The following DERA variants were observed in gnomAD, a reference collection of about 807,000 sequenced individuals.
DERA encodes the protein deoxyribose-phosphate aldolase, also known as 2-deoxy-D-ribose 5-phosphate aldolase.
In DERA, 15 loss-of-function variants were observed where a neutral mutation model predicts 41.1. The ratio of observed to expected loss-of-function variants is 0.37; its 90% confidence interval spans 0.24 to 0.56. DERA has a LOEUF of 0.56. Among genes scored for constraint, DERA ranks in the 20% least tolerant of loss-of-function variants. The probability of loss-of-function intolerance (pLI) is 0.81; values close to 1 mark genes in which losing one functional copy is unlikely to be tolerated. For missense variants in DERA, 396 were observed against 403.4 expected (o/e 0.98, Z 0.16); for synonymous variants, 139 against 137.4 (o/e 1.01, Z -0.08).
chr12:15,919,723 A>G (rs939078723), intron 1 of DERA, among the ~76,000 whole-genome samples: 4 of 152,216 alleles, frequency 2.6e-5, no homozygotes, highest in Non-Finnish European at 5.9e-5. Context: ...TCTGGCTGCA[A>G]CTTCTGGCTC....
intron 6 of DERA, among the ~76,000 whole-genome samples, chr12:16,029,913 CTTTTTTTTTTTTTT>C (rs71438364): frequency 0.017 from 993 of 59,760 alleles, 36 homozygotes; most frequent in Middle Eastern, 0.1. Flanking sequence ...TAGCCTTGGT[CTTTTTTTTTTTTTT>C]TTTTTTTTTT....
At position 16,021,744 on chromosome 12, in the gene DERA, C is replaced by T. The variant is rs1186762027; in HGVS notation, c.638-10798C>T. Reference sequence around the variant, plus strand: ...TGGAGCTTTAAGACTTAATGACTGCCCTGCTGAGTTTGGGGCTTGTATGAG... The same window carrying T: ...TGGAGCTTTAAGACTTAATGACTGCTCTGCTGAGTTTGGGGCTTGTATGAG... On this transcript the variant is annotated intron_variant, in intron 6 of 8. Transcript: ENST00000428559. This position sits in a 1 kb window ranked among gnomAD's most constrained non-coding sequence, Gnocchi z 5.3. 2.0e-5 allele frequency among the ~76,000 whole-genome samples: 3 copies of T among 152,150 alleles called. No homozygotes were observed. The highest frequency in any genetic ancestry group is 4.4e-5 in the Non-Finnish European group (3 of 68,032).
intron 1 of DERA, among the ~76,000 whole-genome samples, chr12:15,923,117 G>A: frequency 6.8e-6 from 1 of 148,002 alleles, no homozygotes; most frequent in Non-Finnish European, 1.5e-5. Context: ...CCGCCTCCCG[G>A]GTTCACGCCA....
Position 15,995,855 on chromosome 12 carries a change from A to G in DERA, c.637+13419A>G, listed in dbSNP as rs1284674401. The stretch of plus-strand genomic sequence containing the variant: ...AATACTTGGAAGATTTTCCTGATAA[A>G]GGAAGATTTTTCTCTCTTAACTCAA... On this transcript the variant is annotated intron_variant, in intron 6 of 8. Coordinates refer to ENST00000428559, the MANE Select transcript of DERA (RefSeq NM_015954.4). This position sits in a 1 kb window ranked among gnomAD's most constrained non-coding sequence, Gnocchi z 5.1. Among the ~76,000 whole-genome samples the G allele has an allele frequency of 6.6e-6, 1 of 152,204 alleles. No individual in the cohort carries two copies. The highest frequency in any genetic ancestry group is 1.5e-5 in the Non-Finnish European group (1 of 68,034).
chr12:16,016,007 C>G (rs184037167), intron 6 of DERA, among the ~76,000 whole-genome samples: 1 of 152,058 alleles, frequency 6.6e-6, no homozygotes, highest in East Asian at 1.9e-4. Context: ...CCTCTTCAGG[C>G]GGTTTTAGTA....
At chr12:16,005,845 C>T (rs1026125917) in intron 6 of DERA, among the ~76,000 whole-genome samples, 30 of 152,146 alleles carry the variant, frequency 2.0e-4, no homozygotes, top group Non-Finnish European at 3.4e-4. Context: ...GAAGATTATG[C>T]TCTGTGGGAA....
At chr12:16,006,581 C>T (rs2136176452) in intron 6 of DERA, among the ~76,000 whole-genome samples, 1 of 152,346 alleles carries the variant, frequency 6.6e-6, no homozygotes, top group South Asian at 2.1e-4. Flanking sequence ...ACACGTCGTA[C>T]CCGACATGAA....
chr12:15,947,293 T>C (rs1948457656), intron 1 of DERA, among the ~76,000 whole-genome samples: 1 of 152,202 alleles, frequency 6.6e-6, no homozygotes, highest in South Asian at 2.1e-4. Context: ...ATCTGTCTAA[T>C]GTTGACAATG....
Position 15,993,599 on chromosome 12 carries a change from T to C in DERA, c.637+11163T>C, listed in dbSNP as rs1006489340. Among the ~76,000 whole-genome samples the C allele has an allele frequency of 3.3e-5, 5 of 152,066 alleles. No individual in the cohort carries two copies. Among genetic ancestry groups the C allele is most frequent in the Middle Eastern group, 3.2e-3 (1 of 314 alleles). ...CTGGGGAAAGCATAAGACCATAGTT[T>C]GTATTGGGTTAAGAGATAAAAGATT... On this transcript the variant is annotated intron_variant, in intron 6 of 8. Transcript: ENST00000428559. This position sits in a 1 kb window ranked among gnomAD's most constrained non-coding sequence, Gnocchi z 4.4.
At chr12:16,028,516 C>T (rs944483666) in intron 6 of DERA, among the ~76,000 whole-genome samples, 10 of 152,140 alleles carry the variant, frequency 6.6e-5, no homozygotes, top group African/African-American at 2.4e-4. Context: ...TATAACTTCC[C>T]ACTCCTTAAA....
rs1190991014 is a variant in DERA, at chr12:15,957,042, T to G, written c.129+9T>G. On this transcript the variant is annotated intron_variant, in intron 2 of 8. Transcript: ENST00000428559. This position sits in a 1 kb window ranked among gnomAD's most constrained non-coding sequence, Gnocchi z 4.8. ...TGAAAAAGGAGTGGCAGGTAAGGGT[T>G]CTTCTTGAGCATTCTGTGCCTGTAT... is the stretch of plus-strand genomic sequence containing the variant. 1 of 1,610,016 alleles carries G rather than the reference T, an allele frequency of 6.2e-7. No homozygotes were observed. Among genetic ancestry groups the G allele is most frequent in the Non-Finnish European group, 8.5e-7 (1 of 1,176,438 alleles).
In DERA at chr12:16,019,422, C is replaced by T. The variant is rs144947511; in HGVS notation, c.638-13120C>T. On this transcript the variant is annotated intron_variant, in intron 6 of 8. Transcript: ENST00000428559. This position sits in a 1 kb window ranked among gnomAD's most constrained non-coding sequence, Gnocchi z 4.4. ...ACTGATTTCATGTGATCAGACCTCA[C>T]ATTACCTAAAGAACAGAGCCCAATG... Among the ~76,000 whole-genome samples, 893 of 152,300 alleles carry T rather than the reference C, an allele frequency of 5.9e-3. 5 individuals are homozygous for T. Among genetic ancestry groups the T allele is most frequent in the Non-Finnish European group, 7.8e-3 (528 of 68,020 alleles).
rs1440889323 is a variant in DERA at position 15,940,033 on chromosome 12, TA to T, written c.32-16901del. Among the ~76,000 whole-genome samples, 15 of 152,208 alleles carry T rather than the reference TA, an allele frequency of 9.9e-5. No individual in the cohort carries two copies. Among genetic ancestry groups the T allele is most frequent in the Non-Finnish European group, 2.2e-4 (15 of 68,038 alleles). On this transcript the variant is annotated intron_variant, in intron 1 of 8. Coordinates refer to ENST00000428559, the MANE Select transcript of DERA (RefSeq NM_015954.4). The surrounding 1 kb of genome is among the most constrained non-coding windows in gnomAD (Gnocchi z 5.1). The stretch of plus-strand genomic sequence containing the variant: ...CTGTTCCATAGGTTTCCTAATTTAA[TA>T]AGAACATATTTTTACCATGATACTA...
chr12:15,977,873 G>C (rs184692984), intron 5 of DERA, among the ~76,000 whole-genome samples: 1 of 152,196 alleles, frequency 6.6e-6, no homozygotes, highest in Admixed American at 6.5e-5. Context: ...CTTTGAAAAC[G>C]TAGGGGATTT....
intron 1 of DERA, among the ~76,000 whole-genome samples, chr12:15,933,736 C>T (rs1318652368): frequency 2.6e-5 from 4 of 152,108 alleles, no homozygotes; most frequent in African/African-American, 9.7e-5. Flanking sequence ...TTTGAAATGT[C>T]TGTCTTCTCC....
rs1045068006 is a variant in DERA, at chr12:15,992,841, G to A, written c.637+10405G>A. Among the ~76,000 whole-genome samples, 1 of 152,156 alleles carries A rather than the reference G, an allele frequency of 6.6e-6. No homozygotes were observed. The highest frequency in any genetic ancestry group is 2.4e-5 in the African/African-American group (1 of 41,442). On this transcript the variant is annotated intron_variant, in intron 6 of 8. Coordinates refer to ENST00000428559, the MANE Select transcript of DERA (RefSeq NM_015954.4). The surrounding 1 kb of genome is among the most constrained non-coding windows in gnomAD (Gnocchi z 4.3). The stretch of plus-strand genomic sequence containing the variant: ...TTCGCACACACTCAACAGTTAACAA[G>A]CTCCGCTCTGAAGTTATTCTAGACC...
rs1409126791 is a variant in DERA, at chr12:15,915,185, G to A, written c.31+3771G>A. ...CTACAATTAAATGCAAGTGTGATGTGCAATTATTTTTCATTTATTTTTGTC... is the reference window on the plus strand; with the variant it reads ...CTACAATTAAATGCAAGTGTGATGTACAATTATTTTTCATTTATTTTTGTC... On this transcript the variant is annotated intron_variant, in intron 1 of 8. Coordinates refer to ENST00000428559, the MANE Select transcript of DERA (RefSeq NM_015954.4). This position sits in a 1 kb window ranked among gnomAD's most constrained non-coding sequence, Gnocchi z 4.8. Among the ~76,000 whole-genome samples, 2 of 152,164 alleles carry A rather than the reference G, an allele frequency of 1.3e-5. No homozygotes were observed. The highest frequency in any genetic ancestry group is 2.9e-5 in the Non-Finnish European group (2 of 68,040).
chr12:15,914,195 A>G (rs1440754676), intron 1 of DERA, among the ~76,000 whole-genome samples: 1 of 152,146 alleles, frequency 6.6e-6, no homozygotes, highest in Admixed American at 6.5e-5. Context: ...CAGCCTGGCC[A>G]ACATGGCAAA....
Position 15,913,414 on chromosome 12 carries a change from T to A in DERA, c.31+2000T>A, listed in dbSNP as rs146369750. ...ATTAGGTACTAGGGAAAAAAATCTT[T>A]CAGTATTAATTTATGCAGTATATTA... On this transcript the variant is annotated intron_variant, in intron 1 of 8. Transcript: ENST00000428559. The surrounding 1 kb of genome is among the most constrained non-coding windows in gnomAD (Gnocchi z 4.5). Among the ~76,000 whole-genome samples, 1 of 152,214 alleles carries A rather than the reference T, an allele frequency of 6.6e-6. No individual in the cohort carries two copies. The highest frequency in any genetic ancestry group is 2.1e-4 in the South Asian group (1 of 4,824).
Sources: allele counts gnomAD v4.1 joint callset (sites outside exome capture counted in the v4.1 genomes callset), GRCh38; gene constraint gnomAD v4.1.1; non-coding constraint Gnocchi (gnomAD v3.1); transcripts MANE v1.5; gene names NCBI Gene and HGNC (gene_info 2026-07-23, HGNC 2026-07-21).